Variants in DPP6 observed in about 807,000 individuals in gnomAD.
DPP6 encodes A-type potassium channel modulatory protein DPP6.
DPP6 carries 69 observed loss-of-function variants against 122.6 expected under a neutral mutation model. The ratio of observed to expected loss-of-function variants is 0.56; its 90% CI spans 0.46 to 0.69. The LOEUF (loss-of-function observed/expected upper bound fraction) is 0.69, where lower values mean the gene tolerates loss of function less well. Ranked by LOEUF, DPP6 falls within the 30% of genes least tolerant of loss-of-function variation. DPP6 has a pLI of 0.00. For missense variants in DPP6, 928 were observed against 1,116.9 expected (o/e 0.83, Z 2.41); for synonymous variants, 418 against 433.1 (o/e 0.97, Z 0.43).
At chr7:154,307,732 C>A (rs981181828) in intron 1 of DPP6, among the ~76,000 whole-genome samples, 1 of 152,124 alleles carries the variant, frequency 6.6e-6, no homozygotes, top group Non-Finnish European at 1.5e-5. Flanking sequence ...TGTGCTTAGA[C>A]TGCAGAACTC....
chr7:153,860,761 T>C, the DPP6 span, among the ~76,000 whole-genome samples: 1 of 152,184 alleles, frequency 6.6e-6, no homozygotes, highest in Non-Finnish European at 1.5e-5. Flanking sequence ...ATCACACCTA[T>C]ATAATTGTTT....
At chr7:153,979,345 T>G (rs989020103) in intron 1 of DPP6, among the ~76,000 whole-genome samples, 1 of 151,538 alleles carries the variant, frequency 6.6e-6, no homozygotes. Context: ...GCTCTCTGTT[T>G]GTCTATTATT....
At chr7:154,080,734 C>T (rs1803933742) in intron 1 of DPP6, among the ~76,000 whole-genome samples, 1 of 152,178 alleles carries the variant, frequency 6.6e-6, no homozygotes, top group African/African-American at 2.4e-5. Context: ...TCCTGCATGT[C>T]TTCTCAATAC....
intron 1 of DPP6, among the ~76,000 whole-genome samples, chr7:154,045,748 C>A (rs1799989066): frequency 6.6e-6 from 1 of 152,210 alleles, no homozygotes; most frequent in African/African-American, 2.4e-5. Flanking sequence ...CATCTATTCA[C>A]AAAAGTAAAG....
intron 10 of DPP6, among the ~76,000 whole-genome samples, chr7:154,773,896 G>A (rs1412309386): frequency 1.3e-5 from 2 of 152,184 alleles, no homozygotes; most frequent in African/African-American, 2.4e-5. Context: ...TCTGAATGAT[G>A]TGCTGGTCTC....
intron 1 of DPP6, among the ~76,000 whole-genome samples, chr7:154,248,592 G>A (rs79416431): frequency 0.039 from 5,940 of 152,234 alleles, 192 homozygotes; most frequent in East Asian, 0.13. Context: ...TAGGCTGGGC[G>A]CCGTGGCTCA....
intron 1 of DPP6, among the ~76,000 whole-genome samples, chr7:154,443,340 T>G (rs541119030): frequency 6.7e-6 from 1 of 149,472 alleles, no homozygotes; most frequent in African/African-American, 2.5e-5. Flanking sequence ...CTGCACTAGA[T>G]TACAAGAAAA....
intron 1 of DPP6, among the ~76,000 whole-genome samples, chr7:154,247,995 G>A (rs979081529): frequency 1.3e-5 from 2 of 152,222 alleles, no homozygotes; most frequent in East Asian, 1.9e-4. Flanking sequence ...TCACCATTTC[G>A]TAGGCTGGAA....
In DPP6 at chr7:154,052,960, G is replaced by T. The variant is rs1225695566; in HGVS notation, c.140G>T (p.Arg47Leu). ...GGAGAKPLGP[R>L]AQAAAPRERG... is the part of the protein sequence containing the mutation. ...GCAGGAGCCAAGCCCCTCGGCCCGC[G>T]GGCGCAGGCGGCGGCGCCCCGGGAG... Residue 47 changes from arginine to leucine, a missense_variant, in exon 1 of 26, where the codon CGG becomes CTG. By Grantham distance (102) the Arg-to-Leu change is moderately radical. Coordinates refer to ENST00000377770, the MANE Select transcript of DPP6 (RefSeq NM_130797.4). This position sits in a 1 kb window ranked among gnomAD's most constrained non-coding sequence, Gnocchi z 4.8. The T allele has an allele frequency of 1.5e-4, 168 of 1,136,718 alleles. No individual in the cohort carries two copies. Among genetic ancestry groups the T allele is most frequent in the Non-Finnish European group, 1.8e-4 (164 of 924,042 alleles). The allele number at this position is 1,136,718 out of a possible 1,614,324, so 70.4% of individuals were successfully genotyped here.
chr7:154,169,428 G>A (rs1004041878), intron 1 of DPP6, among the ~76,000 whole-genome samples: 3 of 152,258 alleles, frequency 2.0e-5, no homozygotes, highest in South Asian at 4.2e-4. Context: ...AGCAGGCATC[G>A]CTAAGCCTGA....
At chr7:154,173,448 G>A (rs1293854549) in intron 1 of DPP6, among the ~76,000 whole-genome samples, 1 of 152,136 alleles carries the variant, frequency 6.6e-6, no homozygotes, top group Non-Finnish European at 1.5e-5. Flanking sequence ...AGGCAGCCCC[G>A]GATTTTTATT....
chr7:154,116,523 C>T (rs917219097), intron 1 of DPP6, among the ~76,000 whole-genome samples: 2 of 152,220 alleles, frequency 1.3e-5, no homozygotes, highest in African/African-American at 2.4e-5. Context: ...AAACAGTTTA[C>T]TTTCCCCAAT....
intron 5 of DPP6, among the ~76,000 whole-genome samples, chr7:154,593,394 A>C (rs1307320779): frequency 6.6e-6 from 1 of 152,154 alleles, no homozygotes; most frequent in East Asian, 1.9e-4. Context: ...CTTTTCTACG[A>C]ATCTTTGAAA....
intron 1 of DPP6, among the ~76,000 whole-genome samples, chr7:153,905,932 CAGCAACAGAGA>C (rs1799831545): frequency 6.6e-6 from 1 of 152,154 alleles, no homozygotes. Context: ...ATAGGAAGAG[CAGCAACAGAGA>C]AGCTTGGGTG....
chr7:154,131,287 A>G (rs1310774542), intron 1 of DPP6, among the ~76,000 whole-genome samples: 1 of 152,236 alleles, frequency 6.6e-6, no homozygotes, highest in African/African-American at 2.4e-5. Context: ...GTTTTAGCCC[A>G]AACTTACCTT....
intron 10 of DPP6, among the ~76,000 whole-genome samples, chr7:154,785,385 G>A (rs955260909): frequency 5.3e-5 from 8 of 152,028 alleles, no homozygotes; most frequent in African/African-American, 1.9e-4. Flanking sequence ...ATGAATTTTA[G>A]TCTTATTTAT....
upstream of DPP6, among the ~76,000 whole-genome samples, chr7:154,051,527 T>C (rs1172200180): frequency 7.0e-6 from 1 of 142,688 alleles, no homozygotes; most frequent in Non-Finnish European, 1.5e-5. Context: ...ACAGGGGCGC[T>C]GGAGCGCGCC....
At chr7:153,836,792 T>C in the DPP6 span, among the ~76,000 whole-genome samples, 1 of 152,240 alleles carries the variant, frequency 6.6e-6, no homozygotes, top group Admixed American at 6.5e-5. Flanking sequence ...ATGCCCATGA[T>C]ATATTAAACC....
chr7:153,918,900 A>C (rs1316807770), intron 1 of DPP6, among the ~76,000 whole-genome samples: 1 of 144,954 alleles, frequency 6.9e-6, no homozygotes, highest in Non-Finnish European at 1.5e-5. Context: ...AATTGCTTGA[A>C]CCTGGGAGGC....
Sources: allele counts gnomAD v4.1 joint callset (sites outside exome capture counted in the v4.1 genomes callset), GRCh38; gene constraint gnomAD v4.1.1; non-coding constraint Gnocchi (gnomAD v3.1); transcripts MANE v1.5; gene names NCBI Gene and HGNC (gene_info 2026-07-23, HGNC 2026-07-21).